The following ITGA9 variants were observed in gnomAD, a reference collection of about 807,000 sequenced individuals.
ITGA9 encodes the protein integrin subunit alpha 9.
In ITGA9, 56 loss-of-function variants were observed where a neutral mutation model predicts 127.8. The ratio of observed to expected loss-of-function variants is 0.44; its 90% CI spans 0.35 to 0.55. ITGA9 has a LOEUF of 0.55. Among genes scored for constraint, ITGA9 ranks in the 20% least tolerant of loss-of-function variants. The probability of loss-of-function intolerance (pLI) is 0.00; values close to 1 mark genes in which losing one functional copy is unlikely to be tolerated. For synonymous variants in ITGA9, 508 were observed against 514.5 expected, an observed-to-expected ratio of 0.99 and a Z score of 0.17; for missense variants, 1,196 against 1,347.1, an observed-to-expected ratio of 0.89 and a Z score of 1.76.
At chr3:37,716,430 C>T (rs1476879647) in intron 18 of ITGA9, among the ~76,000 whole-genome samples, 3 of 151,618 alleles carry the variant, frequency 2.0e-5, no homozygotes, top group Non-Finnish European at 4.4e-5. Context: ...GCAAAACTAT[C>T]CTGTAGAGGA....
chr3:37,547,946 A>G (rs1699343761), intron 15 of ITGA9, among the ~76,000 whole-genome samples: 1 of 152,214 alleles, frequency 6.6e-6, no homozygotes. Context: ...GCTTGTCAAT[A>G]AATATAGAAA....
intron 1 of ITGA9, among the ~76,000 whole-genome samples, chr3:37,459,468 C>T (rs1468724455): frequency 6.6e-6 from 1 of 152,220 alleles, no homozygotes; most frequent in Non-Finnish European, 1.5e-5. Context: ...TCTGGGGCCA[C>T]ATTTATAAGG....
At chr3:37,498,572 G>A (rs1579066309) in intron 5 of ITGA9, among the ~76,000 whole-genome samples, 1 of 152,196 alleles carries the variant, frequency 6.6e-6, no homozygotes, top group African/African-American at 2.4e-5. Flanking sequence ...CTGAAATCCA[G>A]GCTTTGGGAT....
chr3:37,683,500 C>T (rs766050800), intron 17 of ITGA9, among the ~76,000 whole-genome samples: 1 of 152,196 alleles, frequency 6.6e-6, no homozygotes, highest in Non-Finnish European at 1.5e-5. Context: ...CTGCTACTTC[C>T]CTAGCACGGA....
At chr3:37,549,595 G>A (rs1491003554) in intron 15 of ITGA9, among the ~76,000 whole-genome samples, 1 of 152,184 alleles carries the variant, frequency 6.6e-6, no homozygotes, top group Non-Finnish European at 1.5e-5. Flanking sequence ...ATTCTTTGAA[G>A]TCACACATGA....
chr3:37,490,614 G>C (rs977574988), intron 4 of ITGA9, among the ~76,000 whole-genome samples: 1 of 152,186 alleles, frequency 6.6e-6, no homozygotes, highest in Non-Finnish European at 1.5e-5. Flanking sequence ...CTTTTGGAAA[G>C]GGTACAGGAA....
chr3:37,572,817 C>T (rs1330243306), intron 15 of ITGA9, among the ~76,000 whole-genome samples: 1 of 152,110 alleles, frequency 6.6e-6, no homozygotes, highest in Admixed American at 6.5e-5. Context: ...TTCTTTAAGC[C>T]TCGTTTAATT....
chr3:37,705,106 G>T (rs77156514), intron 18 of ITGA9, among the ~76,000 whole-genome samples: 1 of 152,188 alleles, frequency 6.6e-6, no homozygotes. Context: ...ATGTTGGCTG[G>T]CTTGATCATG....
intron 15 of ITGA9, among the ~76,000 whole-genome samples, chr3:37,543,214 G>A (rs1203296502): frequency 6.6e-6 from 1 of 152,170 alleles, no homozygotes; most frequent in South Asian, 2.1e-4. Flanking sequence ...TGCAGCAGGC[G>A]CTGGCAGGGT....
At position 37,751,613 on chromosome 3, in the gene ITGA9, C is replaced by A. The variant is rs78521109; in HGVS notation, c.2541+1044C>A. On this transcript the variant is annotated intron_variant, in intron 23 of 27. Coordinates refer to ENST00000264741, the MANE Select transcript of ITGA9 (RefSeq NM_002207.3). ...GATACCCCTTTTCCTCTTTACTGAT[C>A]ATCGAGCCAAGGAAAAGCCACTGGA... Among the ~76,000 whole-genome samples, 1,511 of 152,174 alleles carry A rather than the reference C, an allele frequency of 9.9e-3. 32 individuals carry two copies. Among genetic ancestry groups the A allele is most frequent in the African/African-American group, 0.034 (1,409 of 41,512 alleles).
chr3:37,486,441 A>G (rs1698610978), intron 4 of ITGA9, among the ~76,000 whole-genome samples: 1 of 152,220 alleles, frequency 6.6e-6, no homozygotes, highest in African/African-American at 2.4e-5. Context: ...GGAGATTAAG[A>G]TCTACTTAAG....
chr3:37,756,838 G>T (rs1319839060), intron 23 of ITGA9, among the ~76,000 whole-genome samples: 1 of 152,106 alleles, frequency 6.6e-6, no homozygotes, highest in Non-Finnish European at 1.5e-5. Flanking sequence ...AATAAACTTG[G>T]AAGCTAAAAA....
At chr3:37,721,268 G>C (rs1348789159) in intron 18 of ITGA9, among the ~76,000 whole-genome samples, 2 of 151,892 alleles carry the variant, frequency 1.3e-5, no homozygotes, top group African/African-American at 4.8e-5. Flanking sequence ...ACAGGTGTGT[G>C]CCACCACCTC....
intron 16 of ITGA9, among the ~76,000 whole-genome samples, chr3:37,645,106 T>C (rs1700364708): frequency 6.6e-6 from 1 of 152,092 alleles, no homozygotes; most frequent in Non-Finnish European, 1.5e-5. Context: ...ATTTAAATAC[T>C]GTGCTAGGTG....
chr3:37,543,328 A>G (rs1436536773), intron 15 of ITGA9, among the ~76,000 whole-genome samples: 1 of 152,126 alleles, frequency 6.6e-6, no homozygotes, highest in African/African-American at 2.4e-5. Flanking sequence ...TCCAGGCCAC[A>G]TGGTGGGTGG....
intron 18 of ITGA9, among the ~76,000 whole-genome samples, chr3:37,692,793 G>T (rs147102210): frequency 4.6e-5 from 7 of 152,290 alleles, no homozygotes; most frequent in African/African-American, 1.7e-4. Flanking sequence ...CAAAAACAAT[G>T]GCAGGGGGCT....
rs199510271 is a variant in ITGA9, at chr3:37,740,805, G to A, written c.2235-925G>A. Among the ~76,000 whole-genome samples the A allele has an allele frequency of 2.6e-4, 39 of 152,250 alleles. No homozygotes were observed. The South Asian group carries it at 7.7e-3, about 30-fold the overall frequency. ...CCAGAATGATCTCACAAGAATCCCC[G>A]TTCTGTGCTTTCTCACCCGGAGGCC... On this transcript the variant is annotated intron_variant, in intron 20 of 27. Transcript: ENST00000264741.
intron 18 of ITGA9, among the ~76,000 whole-genome samples, chr3:37,728,217 G>A (rs1245875079): frequency 1.3e-5 from 2 of 152,138 alleles, no homozygotes; most frequent in Non-Finnish European, 1.5e-5. Flanking sequence ...CCTGGTCCCT[G>A]GAATCTCTCC....
chr3:37,510,612 G>A (rs1482489352), intron 8 of ITGA9, among the ~76,000 whole-genome samples: 2 of 152,164 alleles, frequency 1.3e-5, no homozygotes, highest in African/African-American at 2.4e-5. Flanking sequence ...TAAACTTCCT[G>A]AAGACTTCTG....
Sources: gnomAD v4.1 joint callset for allele counts (sites outside exome capture counted in the v4.1 genomes callset) on GRCh38, gnomAD v4.1.1 for gene constraint, MANE v1.5 for transcripts, NCBI Gene and HGNC (gene_info 2026-07-23, HGNC 2026-07-21) for gene names.